MAMDC4: variants seen among roughly 807,000 people sequenced by gnomAD.
MAMDC4 encodes MAM domain containing 4, also known as apical endosomal glycoprotein.
MAMDC4 carries 168 observed loss-of-function variants against 153.3 expected under a neutral mutation model. The ratio of observed to expected loss-of-function variants is 1.10; its 90% CI spans 0.97 to 1.25. The LOEUF (loss-of-function observed/expected upper bound fraction) is 1.25, where lower values mean the gene tolerates loss of function less well. MAMDC4 is among the 50% of genes most tolerant of loss of function. The probability of loss-of-function intolerance (pLI) is 0.00; values close to 1 mark genes in which losing one functional copy is unlikely to be tolerated. For synonymous variants in MAMDC4, 744 were observed against 651.5 expected (o/e 1.14, Z -2.16); for missense variants, 1,701 against 1,542.8 (o/e 1.10, Z -1.72).
In MAMDC4 at chr9:136,855,273, C is replaced by G. The variant is rs760977344; in HGVS notation, c.1217C>G (p.Thr406Arg). The G allele has an allele frequency of 7.5e-6, 12 of 1,599,900 alleles. No homozygotes were observed. The highest frequency in any genetic ancestry group is 5.1e-5 in the Admixed American group (3 of 58,658). ...YPFQILLAGQ[T>R]GPGGVVGLDD... ...CCTCAGATCCTCCTGGCCGGGCAGA[C>G]AGGCCCGGGGGGCGTCGTGGGTCTG... Residue 406 changes from threonine (T) to arginine (R), a missense_variant, in exon 11 of 27, where the codon ACA (threonine) becomes AGA (arginine). Transcript: ENST00000317446.
Position 136,853,225 on chromosome 9 carries a change from A to G in MAMDC4, c.154+16A>G, listed in dbSNP as rs755497648. The stretch of plus-strand genomic sequence containing the variant: ...GCCCAGTGTGGTGAGCCAAGACCAG[A>G]TGGGCGGGCAGGGCCAGTGCGAGCA... On this transcript the variant is annotated intron_variant, in intron 2 of 26. Transcript: ENST00000317446. 6.2e-7 allele frequency: 1 copy of G among 1,612,592 alleles called. No homozygotes were observed. Among genetic ancestry groups the G allele is most frequent in the Non-Finnish European group, 8.5e-7 (1 of 1,179,828 alleles).
chr9:136,857,705 C>T lies in MAMDC4; in HGVS notation c.2373C>T (p.Gly791=), dbSNP rs761665164. The change falls in exon 19 of 27, where the codon GGC becomes GGT. Residue 791 remains glycine (G), a synonymous_variant. Coordinates refer to ENST00000317446, the MANE Select transcript of MAMDC4 (RefSeq NM_206920.3). Reference sequence around the variant, plus strand: ...CAAGCCCAGACGCACTACCCCGGGGCCAGACGGCCTCCCTGACCTCCAAGG... The same window carrying T: ...CAAGCCCAGACGCACTACCCCGGGGTCAGACGGCCTCCCTGACCTCCAAGG... ...VDTSPDALPR[G]QTASLTSKEH... 50 of 1,612,634 alleles carry T rather than the reference C, an allele frequency of 3.1e-5. No individual in the cohort carries two copies. The highest frequency in any genetic ancestry group is 4.1e-5 in the Non-Finnish European group (48 of 1,179,838).
At chr9:136,854,419 GCCTTGGAT>G (rs1016030238) in intron 7 of MAMDC4, 83 bp downstream of exon 7, 1 of 1,496,956 alleles carries the variant, frequency 6.7e-7, no homozygotes, top group African/African-American at 1.4e-5. Flanking sequence ...AGGAGGGGGT[GCCTTGGAT>G]CCTTGGATGG....
chr9:136,855,272 A>G lies in MAMDC4; in HGVS notation c.1216A>G (p.Thr406Ala). 6.3e-7 allele frequency: 1 copy of G among 1,599,774 alleles called. No homozygotes were observed. The highest frequency in any genetic ancestry group is 1.1e-5 in the South Asian group (1 of 89,376). ...CCCTCAGATCCTCCTGGCCGGGCAG[A>G]CAGGCCCGGGGGGCGTCGTGGGTCT... ...YPFQILLAGQ[T>A]GPGGVVGLDD... The change falls in exon 11 of 27, where the codon ACA (threonine) becomes GCA (alanine). Residue 406 changes from threonine to alanine, a missense_variant. By Grantham distance (58) the Thr-to-Ala change is moderately conservative. Coordinates refer to ENST00000317446, the MANE Select transcript of MAMDC4 (RefSeq NM_206920.3).
Position 136,852,431 on chromosome 9 carries a change from C to T in MAMDC4, c.15C>T (p.Ser5=), listed in dbSNP as rs752818762. The T allele has an allele frequency of 1.1e-5, 17 of 1,610,328 alleles. No individual in the cohort carries two copies. Among genetic ancestry groups the T allele is most frequent in the Non-Finnish European group, 1.4e-5 (17 of 1,179,952 alleles). Residue 5 remains serine (S), a synonymous_variant, in exon 1 of 27, where the codon AGC becomes AGT. Transcript: ENST00000317446. MPLS[S]HLLPALVLFL... ...CTGGCCCAACCATGCCTCTGTCCAGCCACCTGCTGCCCGCCTTGGTCCTGT... is the reference window on the plus strand; with the variant it reads ...CTGGCCCAACCATGCCTCTGTCCAGTCACCTGCTGCCCGCCTTGGTCCTGT...
Position 136,858,007 on chromosome 9 carries a change from CG to C in MAMDC4, c.2496del (p.Arg833GlyfsTer158). ...GTLRVYLEER[G>X]RHQVLSLSAH... ...CCCTGCGGGTCTACCTGGAGGAGCG[CG>C]GGAGGCACCAGGTGCTCAGCCTCAG... On this transcript the variant is annotated frameshift_variant, in exon 20 of 27. Transcript: ENST00000317446. LOFTEE classifies it high-confidence loss of function. 1.3e-6 allele frequency: 2 copies of C among 1,524,012 alleles called. No homozygotes were observed. The highest frequency in any genetic ancestry group is 1.8e-6 in the Non-Finnish European group (2 of 1,139,154). 94.4% of individuals were successfully genotyped at this position (1,524,012 alleles called of 1,614,324 possible). A position where few individuals can be genotyped will look rare whatever the true frequency, so the allele number is the denominator to read the frequency against.
chr9:136,856,141 A>G lies in MAMDC4; in HGVS notation c.1712A>G (p.Gln571Arg). The G allele has an allele frequency of 3.1e-6, 5 of 1,612,188 alleles. No individual in the cohort carries two copies. Among genetic ancestry groups the G allele is most frequent in the Non-Finnish European group, 4.2e-6 (5 of 1,179,666 alleles). ...ELHLAYYLQS[Q>R]PREVSCNFER... ...CACCTGGCTTATTATTTACAGAGCCAGCCCCGAGGTACCGCCACACTCCGC... is the reference window on the plus strand; with the variant it reads ...CACCTGGCTTATTATTTACAGAGCCGGCCCCGAGGTACCGCCACACTCCGC... Residue 571 changes from glutamine (Q) to arginine (R), a missense_variant, in exon 14 of 27, where the codon CAG becomes CGG. Physicochemically the swap from Gln to Arg is conservative, Grantham distance 43. Transcript: ENST00000317446.
chr9:136,857,982 C>A lies in MAMDC4; in HGVS notation c.2468C>A (p.Thr823Asn). Residue 823 changes from threonine (T) to asparagine (N), a missense_variant, in exon 20 of 27, where the codon ACC becomes AAC. Thr to Asn is a moderately conservative substitution (Grantham distance 65, BLOSUM62 0). Coordinates refer to ENST00000317446, the MANE Select transcript of MAMDC4 (RefSeq NM_206920.3). ...WYHGSLRSPGTLRVYLEERGR... is the reference protein window; with the variant it reads ...WYHGSLRSPGNLRVYLEERGR... Reference sequence around the variant, plus strand: ...CCTGGGCCGCCCCTGCTGGCAGGCACCCTGCGGGTCTACCTGGAGGAGCGC... The same window carrying A: ...CCTGGGCCGCCCCTGCTGGCAGGCAACCTGCGGGTCTACCTGGAGGAGCGC... 3 of 1,508,888 alleles carry A rather than the reference C, an allele frequency of 2.0e-6. No homozygotes were observed. Among genetic ancestry groups the A allele is most frequent in the Non-Finnish European group, 2.6e-6 (3 of 1,132,918 alleles). 93.5% of individuals were successfully genotyped at this position (1,508,888 alleles called of 1,614,324 possible). A position where few individuals can be genotyped will look rare whatever the true frequency, so the allele number is the denominator to read the frequency against.
In MAMDC4 at chr9:136,853,822, TGACCCTGTGGCAGAGCACAG is replaced by T. The variant is rs978899580; in HGVS notation, c.502_521del (p.Thr168AlafsTer19). 3 of 1,612,200 alleles carry T rather than the reference TGACCCTGTGGCAGAGCACAG, an allele frequency of 1.9e-6. No homozygotes were observed. Among genetic ancestry groups the T allele is most frequent in the Non-Finnish European group, 2.5e-6 (3 of 1,179,644 alleles). On this transcript the variant is annotated frameshift_variant, in exon 5 of 27. Coordinates refer to ENST00000317446, the MANE Select transcript of MAMDC4 (RefSeq NM_206920.3). LOFTEE classifies it high-confidence loss of function. ...GAGCTGACCCATGGCGCAGAGACCCTGACCCTGTGGCAGAGCACAGGGCCCTGGGGCCCTGGCTGGCAGGA... is the reference window on the plus strand; with the variant it reads ...GAGCTGACCCATGGCGCAGAGACCCTGGCCCTGGGGCCCTGGCTGGCAGGA...
rs552076667 is a variant in MAMDC4, at chr9:136,854,555, C to A, written c.813C>A (p.Thr271=). 3 of 1,606,176 alleles carry A rather than the reference C, an allele frequency of 1.9e-6. No individual in the cohort carries two copies. The African/African-American group carries it at 4.0e-5, about 21-fold the overall frequency. ...NPLTCGRHIA[T]DFETGLGPWN... ...CTGCCCTAGGCCGCCACATAGCCACCGACTTTGAGACAGGCCTGGGCCCAT... is the reference window on the plus strand; with the variant it reads ...CTGCCCTAGGCCGCCACATAGCCACAGACTTTGAGACAGGCCTGGGCCCAT... Residue 271 remains threonine (T), a synonymous_variant, in exon 8 of 27, where the codon ACC becomes ACA. Coordinates refer to ENST00000317446, the MANE Select transcript of MAMDC4 (RefSeq NM_206920.3).
At position 136,855,665 on chromosome 9, in the gene MAMDC4, G is replaced by T. The variant is rs574986756; in HGVS notation, c.1471+46G>T. Reference sequence around the variant, plus strand: ...GCAGACCTCCTGCTGCGGAGCCAAGGGGGTAGGCGCCGGGGCAGGCTGAGG... The same window carrying T: ...GCAGACCTCCTGCTGCGGAGCCAAGTGGGTAGGCGCCGGGGCAGGCTGAGG... On this transcript the variant is annotated intron_variant, in intron 12 of 26. Transcript: ENST00000317446. 5.6e-5 allele frequency: 87 copies of T among 1,566,850 alleles called. No homozygotes were observed. In the Admixed American group the frequency reaches 1.1e-3, roughly 20 times the overall value.
rs1588394947 is a variant in MAMDC4 at position 136,858,811 on chromosome 9, T to C, written c.2914T>C (p.Cys972Arg). ...SEPLPATPASCLRFWYHMGFP... is the reference protein window; with the variant it reads ...SEPLPATPASRLRFWYHMGFP... The stretch of plus-strand genomic sequence containing the variant: ...GCCTCTGCCGGCCACCCCAGCCTCC[T>C]GCCTCCGCTTCTGGTACCACATGGG... The change falls in exon 23 of 27, where the codon TGC (cysteine) becomes CGC (arginine). Residue 972 changes from cysteine to arginine, a missense_variant. Cys to Arg is a radical substitution (Grantham distance 180). Coordinates refer to ENST00000317446, the MANE Select transcript of MAMDC4 (RefSeq NM_206920.3). 1 of 1,610,674 alleles carries C rather than the reference T, an allele frequency of 6.2e-7. No homozygotes were observed. Among genetic ancestry groups the C allele is most frequent in the African/African-American group, 1.3e-5 (1 of 74,956 alleles).
Position 136,855,051 on chromosome 9 carries a change from G to A in MAMDC4, c.1138G>A (p.Glu380Lys). ...APVLLRRRRG[E>K]LGTAWVRDRV... Reference sequence around the variant, plus strand: ...CGTCCTGCTGCGGAGGCGCCGAGGGGAGCTGGGGACCGCCTGGGTCCGAGA... The same window carrying A: ...CGTCCTGCTGCGGAGGCGCCGAGGGAAGCTGGGGACCGCCTGGGTCCGAGA... The change falls in exon 10 of 27, where the codon GAG becomes AAG. Residue 380 changes from glutamate (E) to lysine (K), a missense_variant. Coordinates refer to ENST00000317446, the MANE Select transcript of MAMDC4 (RefSeq NM_206920.3). 6.2e-7 allele frequency: 1 copy of A among 1,606,882 alleles called. No individual in the cohort carries two copies. Among genetic ancestry groups the A allele is most frequent in the Non-Finnish European group, 8.5e-7 (1 of 1,177,940 alleles).
chr9:136,853,863 C>A lies in MAMDC4; in HGVS notation c.541C>A (p.Gln181Lys). 1 of 1,612,562 alleles carries A rather than the reference C, an allele frequency of 6.2e-7. No homozygotes were observed. The highest frequency in any genetic ancestry group is 8.5e-7 in the Non-Finnish European group (1 of 1,179,850). Residue 181 changes from glutamine (Q) to lysine (K), a missense_variant, in exon 5 of 27, where the codon CAG becomes AAG. By Grantham distance (53) the Gln-to-Lys change is moderately conservative (BLOSUM62 1). Coordinates refer to ENST00000317446, the MANE Select transcript of MAMDC4 (RefSeq NM_206920.3). The part of the protein sequence containing the change: ...QSTGPWGPGW[Q>K]ELAVTTGRIR... ...CACAGGGCCCTGGGGCCCTGGCTGG[C>A]AGGAGTTGGCAGTGACCACAGGCCG... is the stretch of plus-strand genomic sequence containing the variant.
rs1404362104 is a variant in MAMDC4 at position 136,855,599 on chromosome 9, G to A, written c.1451G>A (p.Gly484Asp). 1.3e-6 allele frequency: 2 copies of A among 1,583,706 alleles called. No homozygotes were observed. The highest frequency in any genetic ancestry group is 2.7e-5 in the African/African-American group (2 of 74,454). ...LCDFEEQCAG[G>D]EDEQACGTTD... ...GACTTCGAGGAGCAGTGCGCAGGGG[G>A]CGAGGACGAGCAGGCCTGTGGTAAA... is the stretch of plus-strand genomic sequence containing the variant. The change falls in exon 12 of 27, where the codon GGC (glycine) becomes GAC (aspartate). Residue 484 changes from glycine (G) to aspartate (D), a missense_variant. Physicochemically the swap from Gly to Asp is moderately conservative, Grantham distance 94. Transcript: ENST00000317446.
Position 136,859,123 on chromosome 9 carries a change from G to C in MAMDC4, c.3075G>C (p.Lys1025Asn). 6.4e-7 allele frequency: 1 copy of C among 1,565,654 alleles called. No individual in the cohort carries two copies. The highest frequency in any genetic ancestry group is 8.7e-7 in the Non-Finnish European group (1 of 1,155,278). ...CCCAGGTGGAGGTAGCCAGTGCCAAGGAGTTCCAGGTGAGGCTGGCTGTGG... is the reference window on the plus strand; with the variant it reads ...CCCAGGTGGAGGTAGCCAGTGCCAACGAGTTCCAGGTGAGGCTGGCTGTGG... ...LEAQVEVASAKEFQIVFEATL... is the reference protein window; with the variant it reads ...LEAQVEVASANEFQIVFEATL... Residue 1025 changes from lysine to asparagine, a missense_variant, in exon 24 of 27, where the codon AAG becomes AAC. Physicochemically the swap from Lys to Asn is moderately conservative, Grantham distance 94. Transcript: ENST00000317446.
rs368988631 is a variant in MAMDC4, at chr9:136,855,517, T to A, written c.1369T>A (p.Cys457Ser). Residue 457 changes from cysteine (C) to serine (S), a missense_variant, in exon 12 of 27, where the codon TGC (cysteine) becomes AGC (serine). By Grantham distance (112) the Cys-to-Ser change is moderately radical. Coordinates refer to ENST00000317446, the MANE Select transcript of MAMDC4 (RefSeq NM_206920.3). ...LPPSSRLQDS[C>S]KQGHLACGDL... Reference sequence around the variant, plus strand: ...GCCCAGCTCGCGGCTCCAGGATTCCTGCAAGCAGGGGCATCTTGCCTGCGG... The same window carrying A: ...GCCCAGCTCGCGGCTCCAGGATTCCAGCAAGCAGGGGCATCTTGCCTGCGG... The A allele has an allele frequency of 6.9e-6, 11 of 1,594,388 alleles. No individual in the cohort carries two copies. The highest frequency in any genetic ancestry group is 9.4e-6 in the Non-Finnish European group (11 of 1,170,874).
In MAMDC4 at chr9:136,854,274, A is replaced by G. The variant is rs1378775497; in HGVS notation, c.734A>G (p.Gln245Arg). The change falls in exon 7 of 27, where the codon CAG (glutamine) becomes CGG (arginine). Residue 245 changes from glutamine (Q) to arginine (R), a missense_variant. Gln to Arg is a conservative substitution (Grantham distance 43). Coordinates refer to ENST00000317446, the MANE Select transcript of MAMDC4 (RefSeq NM_206920.3). ...CAGAACAAGGTCTGCGTGGAGCCCCAGCAGCTGTGCGACGGGGAAGACAAC... is the reference window on the plus strand; with the variant it reads ...CAGAACAAGGTCTGCGTGGAGCCCCGGCAGCTGTGCGACGGGGAAGACAAC... ...HCQNKVCVEP[Q>R]QLCDGEDNCG... 1.2e-6 allele frequency: 2 copies of G among 1,609,770 alleles called. No individual in the cohort carries two copies. Among genetic ancestry groups the G allele is most frequent in the East Asian group, 4.5e-5 (2 of 44,760 alleles).
At position 136,854,178 on chromosome 9, in the gene MAMDC4, G is replaced by T. The variant is rs753666028; in HGVS notation, c.671-33G>T. ...CCCCGAGTGCTCTCCCACTCCTGGG[G>T]CCTCGGTGAAGGGTTAACCCTGCCC... On this transcript the variant is annotated intron_variant, in intron 6 of 26. Transcript: ENST00000317446. 7.4e-6 allele frequency: 12 copies of T among 1,611,716 alleles called. No homozygotes were observed. In the African/African-American group the frequency reaches 1.1e-4, roughly 14 times the overall value.
Sources: allele counts gnomAD v4.1 joint callset, GRCh38; gene constraint gnomAD v4.1.1; transcripts MANE v1.5; gene names NCBI Gene and HGNC (gene_info 2026-07-23, HGNC 2026-07-21).